TNFAIP8: variants seen among roughly 807,000 people sequenced by gnomAD.
TNFAIP8 encodes the protein tumor necrosis factor alpha-induced protein 8.
A neutral mutation model predicts 13.3 loss-of-function variants in TNFAIP8; 7 were observed. The ratio of observed to expected loss-of-function variants is 0.52; its 90% CI spans 0.30 to 0.99. The LOEUF is 0.99. TNFAIP8 is among the 50% of genes least tolerant of loss of function. The pLI, the probability that TNFAIP8 is intolerant of heterozygous loss-of-function variation, is 0.07. For synonymous variants in TNFAIP8, 94 were observed against 87.6 expected (o/e 1.07, Z -0.41); for missense variants, 258 against 236.9 (o/e 1.09, Z -0.58).
intron 1 of TNFAIP8, among the ~76,000 whole-genome samples, chr5:119,294,775 G>A (rs1180478755): frequency 1.3e-4 from 20 of 152,082 alleles, no homozygotes; most frequent in East Asian, 9.7e-4. Context: ...TTTGATTTGC[G>A]TTTCTCTGAT....
At chr5:119,360,568 G>A (rs909761312) in intron 1 of TNFAIP8, among the ~76,000 whole-genome samples, 9 of 152,176 alleles carry the variant, frequency 5.9e-5, no homozygotes, top group African/African-American at 1.7e-4. Context: ...AGCTAAAAGC[G>A]ACTTTGCCAA....
intron 1 of TNFAIP8, among the ~76,000 whole-genome samples, chr5:119,325,444 GTTTA>G (rs973704763): frequency 6.6e-6 from 1 of 151,866 alleles, no homozygotes; most frequent in African/African-American, 2.4e-5. Context: ...TACTTAATTT[GTTTA>G]TTTATTTATT....
In TNFAIP8 at chr5:119,398,384, C is replaced by T. The variant is rs1580458703; in HGVS notation, c.*5003C>T. 6.6e-6 allele frequency: 1 copy of T among 152,104 alleles called. No homozygotes were observed. Among genetic ancestry groups the T allele is most frequent in the Admixed American group, 6.6e-5 (1 of 15,252 alleles). 9.4% of individuals were successfully genotyped at this position (152,104 alleles called of 1,614,324 possible). ...TCAAAAGCTTACAGATGAATTCATT[C>T]GTTTAAAACTGCCAGGCTGAGTGCG... On this transcript the variant is annotated 3_prime_UTR_variant, in exon 2 of 2. Coordinates refer to ENST00000504771, the MANE Select transcript of TNFAIP8 (RefSeq NM_014350.4).
At chr5:119,325,609 G>A (rs1326962118) in intron 1 of TNFAIP8, among the ~76,000 whole-genome samples, 5 of 152,242 alleles carry the variant, frequency 3.3e-5, no homozygotes, top group Admixed American at 2.0e-4. Flanking sequence ...CACCATACCC[G>A]GCTAATTTTT....
rs922972166 is a variant in TNFAIP8, at chr5:119,398,119, C to T, written c.*4738C>T. 6.6e-6 allele frequency: 1 copy of T among 152,160 alleles called. No homozygotes were observed. Among genetic ancestry groups the T allele is most frequent in the Non-Finnish European group, 1.5e-5 (1 of 68,022 alleles). The allele number at this position is 152,160 out of a possible 1,614,324, so 9.4% of individuals were successfully genotyped here. A position where few individuals can be genotyped will look rare whatever the true frequency, so the allele number is the denominator to read the frequency against. ...TATGTCCACCAAATTTGCATGAGAT[C>T]TTTATAAGATTAGACAGCCAGTGGA... On this transcript the variant is annotated 3_prime_UTR_variant, in exon 2 of 2. Coordinates refer to ENST00000504771, the MANE Select transcript of TNFAIP8 (RefSeq NM_014350.4).
chr5:119,368,907 A>G (rs967046395), intron 1 of TNFAIP8, among the ~76,000 whole-genome samples: 2 of 152,044 alleles, frequency 1.3e-5, no homozygotes, highest in African/African-American at 2.4e-5. Context: ...AGCCCCTGCT[A>G]TGCTGTACAT....
chr5:119,355,969 G>A, upstream of TNFAIP8: 1 of 1,491,058 alleles, frequency 6.7e-7, no homozygotes, highest in South Asian at 1.2e-5. Flanking sequence ...GGGAGGTTTT[G>A]ATTTTAGTGG....
At chr5:119,375,704 T>G (rs901889341) in intron 1 of TNFAIP8, among the ~76,000 whole-genome samples, 10 of 152,218 alleles carry the variant, frequency 6.6e-5, no homozygotes, top group Non-Finnish European at 2.9e-5. Context: ...TTTGTCTTTG[T>G]AACTTTTGGG....
At chr5:119,373,901 G>T (rs1752181192) in intron 1 of TNFAIP8, among the ~76,000 whole-genome samples, 1 of 152,154 alleles carries the variant, frequency 6.6e-6, no homozygotes, top group Admixed American at 6.5e-5. Context: ...TGCCATGTAG[G>T]TAGATGGGGA....
chr5:119,348,880 C>CAAAAAAAA (rs60633145), intron 1 of TNFAIP8, among the ~76,000 whole-genome samples: 7 of 90,978 alleles, frequency 7.7e-5, no homozygotes, highest in East Asian at 8.4e-4. Flanking sequence ...AACTCCATCT[C>CAAAAAAAA]AAAAAAAAAA....
rs556840914 is a variant in TNFAIP8, at chr5:119,393,597, A to G, written c.*216A>G. ...CTGGTTAAAAGCTTCCTAACGGGTA[A>G]CAGACCATGGGAGAGATATGTGGTT... On this transcript the variant is annotated 3_prime_UTR_variant, in exon 2 of 2. Transcript: ENST00000504771. 6.0e-5 allele frequency: 32 copies of G among 534,218 alleles called. No individual in the cohort carries two copies. In the South Asian group the frequency reaches 7.0e-4, roughly 12 times the overall value. The allele number at this position is 534,218 out of a possible 1,614,324, so 33.1% of individuals were successfully genotyped here.
intron 1 of TNFAIP8, among the ~76,000 whole-genome samples, chr5:119,345,332 A>T (rs1750862494): frequency 6.6e-6 from 1 of 152,222 alleles, no homozygotes; most frequent in Non-Finnish European, 1.5e-5. Flanking sequence ...TTCCTTTAAA[A>T]ATGAAAAATA....
intron 1 of TNFAIP8, among the ~76,000 whole-genome samples, chr5:119,345,841 AATT>A (rs1455817978): frequency 6.6e-6 from 1 of 152,192 alleles, no homozygotes; most frequent in Non-Finnish European, 1.5e-5. Flanking sequence ...GTATATTTAA[AATT>A]ATTAAGATGG....
chr5:119,393,585 T>C lies in TNFAIP8; in HGVS notation c.*204T>C. The C allele has an allele frequency of 1.7e-6, 1 of 576,530 alleles. No homozygotes were observed. Among genetic ancestry groups the C allele is most frequent in the South Asian group, 2.2e-5 (1 of 45,532 alleles). The allele number at this position is 576,530 out of a possible 1,614,324, so 35.7% of individuals were successfully genotyped here. On this transcript the variant is annotated 3_prime_UTR_variant, in exon 2 of 2. Coordinates refer to ENST00000504771, the MANE Select transcript of TNFAIP8 (RefSeq NM_014350.4). ...TTGCCAAAAATTCTGGTTAAAAGCTTCCTAACGGGTAACAGACCATGGGAG... is the reference window on the plus strand; with the variant it reads ...TTGCCAAAAATTCTGGTTAAAAGCTCCCTAACGGGTAACAGACCATGGGAG...
At chr5:119,333,687 G>T in intron 1 of TNFAIP8, 2 of 1,377,054 alleles carry the variant, frequency 1.5e-6, no homozygotes, top group Admixed American at 4.0e-5. Context: ...GTTGAAATCT[G>T]GTAAAATGTT....
At chr5:119,356,176 G>T in intron 1 of TNFAIP8, 55 bp downstream of exon 1, 4 of 1,491,370 alleles carry the variant, frequency 2.7e-6, no homozygotes, top group Non-Finnish European at 3.7e-6. Flanking sequence ...GAATTTGGAG[G>T]AAGGCAGTGG....
intron 1 of TNFAIP8, chr5:119,333,517 C>T: frequency 6.6e-7 from 1 of 1,522,048 alleles, no homozygotes; most frequent in Non-Finnish European, 8.8e-7. Context: ...ATGCAGGTTC[C>T]ATAGTGTACA....
intron 1 of TNFAIP8, among the ~76,000 whole-genome samples, chr5:119,312,580 A>G (rs1201412260): frequency 6.6e-6 from 1 of 151,966 alleles, no homozygotes; most frequent in Non-Finnish European, 1.5e-5. Context: ...TTTAAAGGGA[A>G]GAGTGTGAAC....
At chr5:119,334,929 C>T (rs550720922) in intron 1 of TNFAIP8, among the ~76,000 whole-genome samples, 97 of 152,152 alleles carry the variant, frequency 6.4e-4, no homozygotes, top group African/African-American at 2.2e-3. Context: ...AAGACGTGTA[C>T]ATAAAGCTTC....
Sources: allele counts gnomAD v4.1 joint callset (sites outside exome capture counted in the v4.1 genomes callset), GRCh38; gene constraint gnomAD v4.1.1; transcripts MANE v1.5; gene names NCBI Gene and HGNC (gene_info 2026-07-23, HGNC 2026-07-21).